The following COL23A1 variants were observed in gnomAD, a reference collection of about 807,000 sequenced individuals.
COL23A1 encodes the protein collagen type XXIII alpha 1 chain, also known as collagen alpha-1(XXIII) chain.
Under a neutral mutation model 99.3 loss-of-function variants are expected in COL23A1, and 97 were observed. The ratio of observed to expected loss-of-function variants is 0.98; its 90% CI spans 0.83 to 1.16. The LOEUF (loss-of-function observed/expected upper bound fraction) is 1.16. COL23A1 is among the 50% of genes most tolerant of loss of function. The probability of loss-of-function intolerance (pLI) is 0.00; values close to 1 mark genes in which losing one functional copy is unlikely to be tolerated. For synonymous variants in COL23A1, 320 were observed against 308.2 expected, an observed-to-expected ratio of 1.04 and a Z score of -0.40; for missense variants, 762 against 757.4, an observed-to-expected ratio of 1.01 and a Z score of -0.07.
At chr5:178,560,808 G>C in intron 1 of COL23A1, 60 bp from the exon 2 acceptor site, 6 of 1,515,122 alleles carry the variant, frequency 4.0e-6, no homozygotes, top group Non-Finnish European at 5.4e-6. Context: ...GAACAGAGAG[G>C]GGTAAAAGTG....
intron 2 of COL23A1, among the ~76,000 whole-genome samples, chr5:178,471,252 T>C (rs1756733465): frequency 6.6e-6 from 1 of 152,152 alleles, no homozygotes; most frequent in Non-Finnish European, 1.5e-5. Context: ...TTTCTTTCTT[T>C]TTTTTTGAGA....
intron 2 of COL23A1, among the ~76,000 whole-genome samples, chr5:178,502,179 T>G (rs959840188): frequency 3.9e-5 from 6 of 152,242 alleles, no homozygotes; most frequent in Non-Finnish European, 7.3e-5. Context: ...TCGCCCAGGC[T>G]GGAGTGCAGT....
intron 2 of COL23A1, among the ~76,000 whole-genome samples, chr5:178,546,977 C>T (rs1398178809): frequency 4.6e-5 from 7 of 152,152 alleles, no homozygotes; most frequent in Admixed American, 3.3e-4. Context: ...GGAGGGAAGC[C>T]GCTCGCATGC....
chr5:178,461,810 C>T (rs549423344), intron 2 of COL23A1, among the ~76,000 whole-genome samples: 3 of 152,160 alleles, frequency 2.0e-5, no homozygotes, highest in South Asian at 2.1e-4. Context: ...TTATCCTATT[C>T]GAAATAACAG....
Position 178,589,033 on chromosome 5 carries a change from C to T in COL23A1, c.294+871G>A, listed in dbSNP as rs151249808. Among the ~76,000 whole-genome samples the T allele has an allele frequency of 3.3e-4, 50 of 152,234 alleles. No individual in the cohort carries two copies. In the East Asian group the frequency reaches 7.6e-3, roughly 23 times the overall value. Reference sequence around the variant, plus strand: ...TCCAGTTTCGTGGGGAGGGGAACTGCCGCACATGCCGCACACAAAAGGCGG... The same window carrying T: ...TCCAGTTTCGTGGGGAGGGGAACTGTCGCACATGCCGCACACAAAAGGCGG... On this transcript the variant is annotated intron_variant, in intron 1 of 28. Coordinates refer to ENST00000390654, the MANE Select transcript of COL23A1 (RefSeq NM_173465.4). The surrounding 1 kb of genome is among the most constrained non-coding windows in gnomAD (Gnocchi z 5.4).
intron 2 of COL23A1, among the ~76,000 whole-genome samples, chr5:178,440,360 T>G (rs1005854582): frequency 6.6e-6 from 1 of 152,002 alleles, no homozygotes; most frequent in African/African-American, 2.4e-5. Flanking sequence ...ACCGCCAGCT[T>G]CTCCACCGCA....
chr5:178,450,094 G>T (rs1767400215), intron 2 of COL23A1, among the ~76,000 whole-genome samples: 1 of 152,106 alleles, frequency 6.6e-6, no homozygotes, highest in African/African-American at 2.4e-5. Flanking sequence ...TTAGATGTGG[G>T]AATTACATAC....
At chr5:178,332,845 G>GA (rs1459762595) in intron 2 of COL23A1, among the ~76,000 whole-genome samples, 1 of 152,004 alleles carries the variant, frequency 6.6e-6, no homozygotes, top group African/African-American at 2.4e-5. Flanking sequence ...GTGGCTCCTA[G>GA]ATAGTTCACA....
At chr5:178,262,964 G>A (rs769150331) in intron 9 of COL23A1, among the ~76,000 whole-genome samples, 9 of 152,074 alleles carry the variant, frequency 5.9e-5, no homozygotes, top group East Asian at 3.9e-4. Context: ...TTTAAGGTTC[G>A]AATGGGATTA....
chr5:178,573,242 C>T (rs1763193740), intron 1 of COL23A1, among the ~76,000 whole-genome samples: 1 of 152,152 alleles, frequency 6.6e-6, no homozygotes. Flanking sequence ...AACAAAAATC[C>T]CAGGCTGCGG....
chr5:178,401,146 C>T (rs1285088904), intron 2 of COL23A1, among the ~76,000 whole-genome samples: 1 of 152,212 alleles, frequency 6.6e-6, no homozygotes, highest in African/African-American at 2.4e-5. Context: ...GCATAATGTC[C>T]TCAAGATTCG....
chr5:178,358,023 TGTATGC>T (rs1338093241), intron 2 of COL23A1, among the ~76,000 whole-genome samples: 8 of 147,182 alleles, frequency 5.4e-5, no homozygotes, highest in African/African-American at 2.0e-4. Flanking sequence ...TGTATGTGTG[TGTATGC>T]GTATGTGTAT....
chr5:178,538,416 T>G (rs986130008), intron 2 of COL23A1, among the ~76,000 whole-genome samples: 1 of 152,250 alleles, frequency 6.6e-6, no homozygotes, highest in African/African-American at 2.4e-5. Flanking sequence ...TAAAAGTACT[T>G]GCCCATTTTA....
chr5:178,326,414 T>TTAA (rs113275965), intron 2 of COL23A1, among the ~76,000 whole-genome samples: 3 of 148,478 alleles, frequency 2.0e-5, no homozygotes, highest in Admixed American at 1.3e-4. Flanking sequence ...AGAGAACATT[T>TTAA]AAAAAAAAAA....
intron 2 of COL23A1, among the ~76,000 whole-genome samples, chr5:178,433,626 C>G (rs917792480): frequency 2.6e-5 from 4 of 152,130 alleles, no homozygotes; most frequent in African/African-American, 7.2e-5. Context: ...CCCTGAGCCA[C>G]CAGTCACGTC....
intron 2 of COL23A1, among the ~76,000 whole-genome samples, chr5:178,427,223 C>T (rs1485154067): frequency 6.6e-6 from 1 of 152,088 alleles, no homozygotes; most frequent in Non-Finnish European, 1.5e-5. Context: ...GATGAGATAC[C>T]ACTACATACC....
chr5:178,453,207 C>T (rs1170898727), intron 2 of COL23A1, among the ~76,000 whole-genome samples: 1 of 152,204 alleles, frequency 6.6e-6, no homozygotes, highest in East Asian at 1.9e-4. Flanking sequence ...ACAAGAGACA[C>T]ACACACAACA....
At chr5:178,446,893 C>T (rs1186968551) in intron 2 of COL23A1, among the ~76,000 whole-genome samples, 1 of 152,016 alleles carries the variant, frequency 6.6e-6, no homozygotes, top group Non-Finnish European at 1.5e-5. Flanking sequence ...TAGGAAAAGC[C>T]TTAACAGGTT....
chr5:178,500,165 G>A (rs1220666575), intron 2 of COL23A1, among the ~76,000 whole-genome samples: 2 of 152,080 alleles, frequency 1.3e-5, no homozygotes, highest in African/African-American at 4.8e-5. Flanking sequence ...CTTTTAGGGT[G>A]ATGTATATGT....
Sources: gnomAD v4.1 joint callset for allele counts (sites outside exome capture counted in the v4.1 genomes callset) on GRCh38, gnomAD v4.1.1 for gene constraint, Gnocchi (gnomAD v3.1) non-coding constraint, MANE v1.5 for transcripts, NCBI Gene and HGNC (gene_info 2026-07-23, HGNC 2026-07-21) for gene names.